Variants in ANKRD36C observed in about 807,000 individuals in gnomAD.
ANKRD36C encodes the protein ankyrin repeat domain 36C, also known as ankyrin repeat domain-containing protein 36C.
Under a neutral mutation model 276.4 loss-of-function variants are expected in ANKRD36C, and 61 were observed. The ratio of observed to expected loss-of-function variants is 0.22; its 90% confidence interval spans 0.18 to 0.27. The LOEUF is 0.27. Among genes scored for constraint, ANKRD36C ranks in the 10% least tolerant of loss-of-function variants. The pLI is 1.00. For synonymous variants in ANKRD36C, 483 were observed against 680.1 expected, an observed-to-expected ratio of 0.71 and a Z score of 4.51; for missense variants, 1,447 against 2,032.3, an observed-to-expected ratio of 0.71 and a Z score of 5.54.
chr2:95,925,367 C>A (rs780726999), exon 30 of ANKRD36C: 17 of 1,579,682 alleles, frequency 1.1e-5, no homozygotes, highest in Middle Eastern at 2.3e-4. Context: ...CCAGATTTCC[C>A]ACCGCCCGTT....
chr2:95,972,291 T>C (rs1319252992), intron 6 of ANKRD36C, among the ~76,000 whole-genome samples: 4 of 152,216 alleles, frequency 2.6e-5, no homozygotes, highest in Non-Finnish European at 5.9e-5. Context: ...TTTTTGTATA[T>C]GTGTGAGACA....
intron 36 of ANKRD36C, among the ~76,000 whole-genome samples, chr2:95,916,637 G>A (rs988986619): frequency 1.3e-5 from 2 of 151,564 alleles, no homozygotes; most frequent in Non-Finnish European, 3.0e-5. Context: ...ACACAATTCC[G>A]ATGACCCTTC....
intron 32 of ANKRD36C, among the ~76,000 whole-genome samples, chr2:95,922,728 G>GA (rs1158665505): frequency 6.6e-6 from 1 of 151,608 alleles, no homozygotes; most frequent in Non-Finnish European, 1.5e-5. Context: ...TTTTATCCGT[G>GA]AGATAGCTCT....
Position 95,921,779 on chromosome 2 carries a change from T to G in ANKRD36C, c.2172+3A>C. ...TTCACAATATAAATGAAAGTTTAAT[T>G]ACCTTCAAGGCTGGTTGTTTCTGAG... On this transcript the variant is annotated splice_donor_region_variant and intron_variant, in intron 33 of 66. Coordinates refer to ENST00000456556, the Ensembl canonical transcript of ANKRD36C. The G allele has an allele frequency of 2.5e-6, 4 of 1,602,060 alleles. No homozygotes were observed. Among genetic ancestry groups the G allele is most frequent in the Non-Finnish European group, 3.4e-6 (4 of 1,175,946 alleles).
In ANKRD36C at chr2:95,973,368, T is replaced by C. The variant is rs1295448937; in HGVS notation, c.799+4754A>G. On this transcript the variant is annotated intron_variant, in intron 6 of 66. Transcript: ENST00000456556. ...CAGAGTTTGCAGTGAGCCAAGATTG[T>C]GCCACCGCACTCCAGCCTGGGCAAC... Among the ~76,000 whole-genome samples, 3 of 147,924 alleles carry C rather than the reference T, an allele frequency of 2.0e-5. No individual in the cohort carries two copies. The East Asian group carries it at 6.2e-4, about 30-fold the overall frequency.
chr2:95,889,013 G>C (rs902268657), intron 48 of ANKRD36C, among the ~76,000 whole-genome samples: 5 of 151,452 alleles, frequency 3.3e-5, no homozygotes, highest in Admixed American at 1.3e-4. Flanking sequence ...TCATTCAATA[G>C]CTATTTTATC....
intron 46 of ANKRD36C, among the ~76,000 whole-genome samples, chr2:95,891,339 C>T (rs1676350342): frequency 6.6e-6 from 1 of 151,366 alleles, no homozygotes. Context: ...TTCTATACTT[C>T]CTCTCTTTCT....
chr2:95,858,262 T>G (rs551336959), intron 61 of ANKRD36C, among the ~76,000 whole-genome samples: 1,951 of 152,220 alleles, frequency 0.013, 7 homozygotes, highest in Middle Eastern at 0.027. Context: ...TCTTACAGAG[T>G]TTGACTCTCT....
intron 1 of ANKRD36C, among the ~76,000 whole-genome samples, chr2:95,987,773 T>C (rs1679061735): frequency 6.6e-6 from 1 of 152,064 alleles, no homozygotes; most frequent in African/African-American, 2.4e-5. Context: ...AGGCGCCCGC[T>C]ACCGCGCCCG....
At chr2:95,925,748 G>A (rs1677387611) in intron 28 of ANKRD36C, among the ~76,000 whole-genome samples, 1 of 151,452 alleles carries the variant, frequency 6.6e-6, no homozygotes, top group African/African-American at 2.4e-5. Context: ...AAAATATACA[G>A]TCAGAAATTA....
At chr2:95,882,179 C>T in intron 56 of ANKRD36C, 123 bp downstream of exon 76, 1 of 825,036 alleles carries the variant, frequency 1.2e-6, no homozygotes, top group Non-Finnish European at 1.9e-6. Flanking sequence ...TAGAAATGCA[C>T]AATCTCAGGC....
intron 44 of ANKRD36C, 87 bp from the exon 65 acceptor site, chr2:95,891,947 G>A: frequency 1.3e-6 from 2 of 1,539,154 alleles, no homozygotes; most frequent in Non-Finnish European, 1.8e-6. Flanking sequence ...ATCAACCTCT[G>A]TCCTCCTGCC....
At chr2:95,922,472 A>C (rs973079049) in intron 32 of ANKRD36C, among the ~76,000 whole-genome samples, 2 of 151,624 alleles carry the variant, frequency 1.3e-5, no homozygotes, top group African/African-American at 2.4e-5. Flanking sequence ...CACTCATGGC[A>C]ACAAAGTATG....
At chr2:95,925,380 T>A in exon 30 of ANKRD36C, 1 of 1,579,566 alleles carries the variant, frequency 6.3e-7, no homozygotes, top group East Asian at 2.3e-5. Context: ...CGCCCGTTAT[T>A]CTTGTGGCAA....
intron 30 of ANKRD36C, 130 bp from the exon 31 acceptor site, chr2:95,923,819 G>C: frequency 7.4e-7 from 1 of 1,357,324 alleles, no homozygotes; most frequent in Non-Finnish European, 1.0e-6. Flanking sequence ...TTTGTGTCTG[G>C]GGACTGGAAC....
At chr2:95,876,590 G>A (rs1392642289) in intron 58 of ANKRD36C, 78 bp from the exon 79 acceptor site, 72 of 731,148 alleles carry the variant, frequency 9.8e-5, no homozygotes, top group Non-Finnish European at 1.6e-4. Flanking sequence ...GGTGGCTCAC[G>A]CCTGTAATCC....
intron 44 of ANKRD36C, among the ~76,000 whole-genome samples, chr2:95,894,484 A>G (rs1412198627): frequency 6.6e-6 from 1 of 150,842 alleles, no homozygotes. Flanking sequence ...GATATTGATA[A>G]GATTTACATT....
At chr2:95,880,603 T>C in exon 57 of ANKRD36C, 1 of 1,527,484 alleles carries the variant, frequency 6.5e-7, no homozygotes, top group South Asian at 1.2e-5. Context: ...ACCTTCAAGG[T>C]GGGCAGATTC....
intron 61 of ANKRD36C, among the ~76,000 whole-genome samples, chr2:95,858,480 G>GA (rs1431704133): frequency 4.6e-5 from 7 of 152,190 alleles, no homozygotes; most frequent in Non-Finnish European, 1.0e-4. Context: ...TAAATATTAT[G>GA]AAAAAGGATG....
Sources: gnomAD v4.1 joint callset for allele counts (sites outside exome capture counted in the v4.1 genomes callset) on GRCh38, gnomAD v4.1.1 for gene constraint, MANE v1.5 for transcripts, NCBI Gene and HGNC (gene_info 2026-07-23, HGNC 2026-07-21) for gene names.